Variants in PPARGC1A observed in about 807,000 individuals in gnomAD.
PPARGC1A encodes the protein peroxisome proliferator-activated receptor gamma coactivator 1-alpha.
In PPARGC1A, 25 loss-of-function variants were observed where a neutral mutation model predicts 88.7. The observed-to-expected ratio is 0.28, with a 90% CI of 0.21 to 0.39. The LOEUF (loss-of-function observed/expected upper bound fraction) is 0.39, where lower values mean the gene tolerates loss of function less well. Among genes scored for constraint, PPARGC1A ranks in the 10% least tolerant of loss-of-function variants. The pLI is 1.00. For synonymous variants in PPARGC1A, 363 were observed against 355.6 expected, an observed-to-expected ratio of 1.02 and a Z score of -0.24; for missense variants, 880 against 968.7, an observed-to-expected ratio of 0.91 and a Z score of 1.22.
chr4:23,814,430 T>G lies in PPARGC1A; in HGVS notation c.1053A>C (p.Gln351His), dbSNP rs371616242. 2.0e-5 allele frequency: 32 copies of G among 1,613,790 alleles called. No individual in the cohort carries two copies. Among genetic ancestry groups the G allele is most frequent in the Non-Finnish European group, 2.6e-5 (31 of 1,179,908 alleles). ...TGCTGAGTTGTGCATACAACTCGGA[T>G]TGCTCCGGCCCTTTCTTGGTGGAGT... Reference protein sequence around the residue: ...GNNSTKKGPEQSELYAQLSKS... With the variant: ...GNNSTKKGPEHSELYAQLSKS... Residue 351 changes from glutamine to histidine, a missense_variant, in exon 8 of 13, where the codon CAA becomes CAC. Gln to His is a conservative substitution (Grantham distance 24). Coordinates refer to ENST00000264867, the MANE Select transcript of PPARGC1A (RefSeq NM_013261.5).
the PPARGC1A span, among the ~76,000 whole-genome samples, chr4:24,384,407 C>T: frequency 1.3e-5 from 2 of 151,982 alleles, no homozygotes; most frequent in African/African-American, 4.8e-5. Flanking sequence ...TGTAAATGGG[C>T]TAAATGCCCC....
the PPARGC1A span, among the ~76,000 whole-genome samples, chr4:24,013,544 T>C: frequency 6.6e-6 from 1 of 152,112 alleles, no homozygotes; most frequent in Admixed American, 6.6e-5. Context: ...AGGCATGGTT[T>C]ATCTTCCTAG....
the PPARGC1A span, among the ~76,000 whole-genome samples, chr4:24,054,409 A>G: frequency 6.6e-6 from 1 of 152,142 alleles, no homozygotes; most frequent in Non-Finnish European, 1.5e-5. Context: ...TTGCTAAAAA[A>G]GGAAAGTATT....
chr4:24,447,885 A>G, the PPARGC1A span, among the ~76,000 whole-genome samples: 1 of 152,216 alleles, frequency 6.6e-6, no homozygotes, highest in Non-Finnish European at 1.5e-5. Flanking sequence ...CAAGCCCTTC[A>G]AGCCAGGCAA....
the PPARGC1A span, among the ~76,000 whole-genome samples, chr4:24,455,085 A>G: frequency 6.6e-6 from 1 of 152,234 alleles, no homozygotes; most frequent in Non-Finnish European, 1.5e-5. Context: ...GTCTAAAAAA[A>G]CAAATAGGGC....
chr4:24,142,291 AAT>A, the PPARGC1A span, among the ~76,000 whole-genome samples: 1 of 152,170 alleles, frequency 6.6e-6, no homozygotes, highest in African/African-American at 2.4e-5. Context: ...AAATAAGCAA[AAT>A]GTATATTACA....
At position 23,813,110 on chromosome 4, in the gene PPARGC1A, A is replaced by G. The variant is rs373497069; in HGVS notation, c.1809T>C (p.Tyr603=). 34 of 1,613,942 alleles carry G rather than the reference A, an allele frequency of 2.1e-5. No individual in the cohort carries two copies. The highest frequency in any genetic ancestry group is 2.9e-5 in the Non-Finnish European group (34 of 1,179,930). ...SRSSSRSCYY[Y]ESSHYRHRTH... ...TGCGGTGTCTGTAGTGGCTTGACTC[A>G]TAGTAATAGCAGGATCTGCGCCAGA... is the stretch of plus-strand genomic sequence containing the variant. Residue 603 remains tyrosine (Y), a synonymous_variant, in exon 9 of 13, where the codon TAT becomes TAC. Transcript: ENST00000264867.
the PPARGC1A span, among the ~76,000 whole-genome samples, chr4:24,155,846 G>C: frequency 0.016 from 2,493 of 152,216 alleles, 64 homozygotes; most frequent in African/African-American, 0.056. Context: ...GGTCACCCAA[G>C]TGGGCAGATG....
chr4:24,438,267 C>A, the PPARGC1A span, among the ~76,000 whole-genome samples: 1 of 152,090 alleles, frequency 6.6e-6, no homozygotes, highest in Non-Finnish European at 1.5e-5. Flanking sequence ...GTAATAAAAG[C>A]CTGAGTAAGA....
chr4:24,216,591 T>C, the PPARGC1A span, among the ~76,000 whole-genome samples: 7 of 152,310 alleles, frequency 4.6e-5, no homozygotes, highest in Non-Finnish European at 8.8e-5. Flanking sequence ...TTTTTGTTTT[T>C]GTTCTTGCTT....
rs759360397 is a variant in PPARGC1A at position 23,824,290 on chromosome 4, A to G, written c.867T>C (p.Ser289=). 4 of 1,613,284 alleles carry G rather than the reference A, an allele frequency of 2.5e-6. No homozygotes were observed. Among genetic ancestry groups the G allele is most frequent in the Non-Finnish European group, 3.4e-6 (4 of 1,179,390 alleles). ...TIERTLSVEL[S]GTAGLTPPTT... ...AAATATAAGGCTTACCTGCAGTTCCAGAGAGTTCCACACTTAAGGTGCGTT... is the reference window on the plus strand; with the variant it reads ...AAATATAAGGCTTACCTGCAGTTCCGGAGAGTTCCACACTTAAGGTGCGTT... Residue 289 remains serine, a synonymous_variant, in exon 7 of 13, where the codon TCT becomes TCC. Transcript: ENST00000264867.
chr4:24,323,600 T>C, the PPARGC1A span, among the ~76,000 whole-genome samples: 5 of 151,980 alleles, frequency 3.3e-5, no homozygotes, highest in Non-Finnish European at 5.9e-5. Flanking sequence ...GCCCCACCCC[T>C]ATCTCCCTTC....
the PPARGC1A span, among the ~76,000 whole-genome samples, chr4:24,401,083 A>T: frequency 7.5e-6 from 1 of 132,842 alleles, no homozygotes; most frequent in Admixed American, 9.1e-5. Flanking sequence ...CAGTGGCGCG[A>T]TCTTGGCTCA....
the PPARGC1A span, among the ~76,000 whole-genome samples, chr4:24,233,536 G>A: frequency 6.6e-6 from 1 of 151,824 alleles, no homozygotes. Context: ...GGCTCTAATA[G>A]CTGATGATTT....
the PPARGC1A span, among the ~76,000 whole-genome samples, chr4:24,381,916 A>G: frequency 2.0e-5 from 3 of 152,220 alleles, no homozygotes; most frequent in African/African-American, 7.2e-5. Context: ...TTCTCATTGG[A>G]CTACCCAACT....
At chr4:24,267,303 C>G in the PPARGC1A span, among the ~76,000 whole-genome samples, 3 of 152,110 alleles carry the variant, frequency 2.0e-5, no homozygotes, top group African/African-American at 7.2e-5. Flanking sequence ...ATGGTTATTT[C>G]GGTACAATGT....
Position 23,794,788 on chromosome 4 carries a change from C to G in PPARGC1A, c.*1034G>C, listed in dbSNP as rs1054375277. On this transcript the variant is annotated 3_prime_UTR_variant, in exon 13 of 13. Transcript: ENST00000264867. ...ATGTAGCAATTACACTATCTGAACACATCTCAGAGAGTTCTACCCAACTCT... is the reference window on the plus strand; with the variant it reads ...ATGTAGCAATTACACTATCTGAACAGATCTCAGAGAGTTCTACCCAACTCT... 1 of 152,500 alleles carries G rather than the reference C, an allele frequency of 6.6e-6. No homozygotes were observed. The highest frequency in any genetic ancestry group is 6.6e-5 in the Admixed American group (1 of 15,252). The allele number at this position is 152,500 out of a possible 1,614,324, so 9.4% of individuals were successfully genotyped here. A position where few individuals can be genotyped will look rare whatever the true frequency, so the allele number is the denominator to read the frequency against.
the PPARGC1A span, among the ~76,000 whole-genome samples, chr4:23,910,876 T>A: frequency 6.6e-6 from 1 of 152,090 alleles, no homozygotes; most frequent in African/African-American, 2.4e-5. Flanking sequence ...GGGTTACACA[T>A]GTAACATGCA....
chr4:23,812,699 A>G, intron 10 of PPARGC1A, 48 bp downstream of exon 10: 1 of 1,604,408 alleles, frequency 6.2e-7, no homozygotes, highest in Non-Finnish European at 8.5e-7. Context: ...GCACACAGAA[A>G]AAGAAGAAAC....
Sources: gnomAD v4.1 joint callset for allele counts (sites outside exome capture counted in the v4.1 genomes callset) on GRCh38, gnomAD v4.1.1 for gene constraint, MANE v1.5 for transcripts, NCBI Gene and HGNC (gene_info 2026-07-23, HGNC 2026-07-21) for gene names.